FAM13A: variants seen among roughly 807,000 people sequenced by gnomAD.
The protein encoded by FAM13A is protein FAM13A.
In FAM13A, 76 loss-of-function variants were observed where a neutral mutation model predicts 129.6. That is an observed-to-expected ratio of 0.59 (90% confidence interval 0.49 to 0.71). The LOEUF (loss-of-function observed/expected upper bound fraction) is 0.71, where lower values mean the gene tolerates loss of function less well. Among genes scored for constraint, FAM13A ranks in the 30% least tolerant of loss-of-function variants. The pLI, the probability that FAM13A is intolerant of heterozygous loss-of-function variation, is 0.00. For synonymous variants in FAM13A, 443 were observed against 449.9 expected, an observed-to-expected ratio of 0.98 and a Z score of 0.20; for missense variants, 1,108 against 1,249.3, an observed-to-expected ratio of 0.89 and a Z score of 1.70.
At chr4:88,765,559 C>T (rs966091758) in intron 13 of FAM13A, among the ~76,000 whole-genome samples, 2 of 152,086 alleles carry the variant, frequency 1.3e-5, no homozygotes, top group East Asian at 3.9e-4. Context: ...GGAAGGACTA[C>T]ATATATTAAA....
intron 23 of FAM13A, 46 bp from the exon 24 acceptor site, chr4:88,728,705 T>G (rs1328276664): frequency 6.2e-7 from 1 of 1,607,940 alleles, no homozygotes; most frequent in Non-Finnish European, 8.5e-7. Flanking sequence ...ATTTTCTGTC[T>G]TTGCTAGATA....
At chr4:89,048,565 T>C (rs1771154362) in intron 1 of FAM13A, among the ~76,000 whole-genome samples, 1 of 152,170 alleles carries the variant, frequency 6.6e-6, no homozygotes, top group Non-Finnish European at 1.5e-5. Flanking sequence ...TTAATGAGTA[T>C]ACATTATGGT....
chr4:88,953,292 T>C (rs1315025488), intron 4 of FAM13A, among the ~76,000 whole-genome samples: 1 of 151,502 alleles, frequency 6.6e-6, no homozygotes, highest in Non-Finnish European at 1.5e-5. Flanking sequence ...CCGTCTCTAC[T>C]AAAAGTACAA....
chr4:88,813,164 A>C (rs1730002244), intron 7 of FAM13A, among the ~76,000 whole-genome samples: 1 of 152,162 alleles, frequency 6.6e-6, no homozygotes, highest in South Asian at 2.1e-4. Context: ...GTAATGTTTG[A>C]GTATGGCCTT....
At chr4:88,789,894 G>C (rs1237157548) in intron 9 of FAM13A, among the ~76,000 whole-genome samples, 1 of 152,116 alleles carries the variant, frequency 6.6e-6, no homozygotes, top group Non-Finnish European at 1.5e-5. Flanking sequence ...GGCCCTCCGT[G>C]GGAACAGTAG....
chr4:88,811,367 G>A (rs1455022735), intron 7 of FAM13A, among the ~76,000 whole-genome samples: 1 of 152,074 alleles, frequency 6.6e-6, no homozygotes, highest in Admixed American at 6.6e-5. Context: ...TGGCCTCCAT[G>A]GCTCTTCCTT....
chr4:88,842,068 T>C (rs764043242), intron 7 of FAM13A, among the ~76,000 whole-genome samples: 1 of 152,194 alleles, frequency 6.6e-6, no homozygotes, highest in Non-Finnish European at 1.5e-5. Context: ...TATTTATTTA[T>C]TCAGACATAA....
chr4:88,795,009 T>C (rs1051284488), intron 8 of FAM13A, among the ~76,000 whole-genome samples: 8 of 151,838 alleles, frequency 5.3e-5, no homozygotes, highest in Non-Finnish European at 1.0e-4. Flanking sequence ...TGTCATACAT[T>C]AAAACAATTC....
chr4:88,998,291 T>C (rs1025689722), intron 3 of FAM13A, among the ~76,000 whole-genome samples: 2 of 152,162 alleles, frequency 1.3e-5, no homozygotes, highest in African/African-American at 2.4e-5. Flanking sequence ...AGTTCCCCAT[T>C]TGGAGATGAC....
intron 1 of FAM13A, among the ~76,000 whole-genome samples, chr4:89,034,838 T>C (rs1055004917): frequency 1.3e-5 from 2 of 152,148 alleles, no homozygotes; most frequent in Admixed American, 1.3e-4. Flanking sequence ...GCTGAGTTCA[T>C]ATCACTGCAC....
At chr4:89,041,629 T>C (rs1213368938) in intron 1 of FAM13A, among the ~76,000 whole-genome samples, 2 of 152,100 alleles carry the variant, frequency 1.3e-5, no homozygotes, top group East Asian at 3.9e-4. Context: ...TTTAAAAGGA[T>C]ACTGTGGCAG....
At chr4:88,997,611 T>A (rs1392815963) in intron 3 of FAM13A, among the ~76,000 whole-genome samples, 1 of 151,994 alleles carries the variant, frequency 6.6e-6, no homozygotes, top group East Asian at 1.9e-4. Flanking sequence ...TCACAAGATA[T>A]ATCACAGAAT....
At chr4:88,959,137 T>C (rs544672527) in intron 4 of FAM13A, among the ~76,000 whole-genome samples, 3 of 152,362 alleles carry the variant, frequency 2.0e-5, no homozygotes, top group South Asian at 4.1e-4. Flanking sequence ...GGGACATGCC[T>C]TGTCTCAGAT....
In FAM13A at chr4:88,767,563, T is replaced by C. The variant is rs767369233; in HGVS notation, c.1568A>G (p.Gln523Arg). Residue 523 changes from glutamine (Q) to arginine (R), a missense_variant, in exon 13 of 24, where the codon CAG becomes CGG. Physicochemically the swap from Gln to Arg is conservative, Grantham distance 43. Coordinates refer to ENST00000264344, the MANE Select transcript of FAM13A (RefSeq NM_014883.4). The part of the protein sequence containing the change: ...KGNEKDGGHT[Q>R]HFESPTMKIQ... ...TTGTTAGCTACTCACCTCAAAATGC[T>C]GAGTGTGTCCACCATCTTTTTCATT... 5.6e-6 allele frequency: 9 copies of C among 1,603,704 alleles called. No homozygotes were observed. In the Admixed American group the frequency reaches 1.6e-4, roughly 28 times the overall value.
chr4:88,856,593 G>A lies in FAM13A; in HGVS notation c.844-5410C>T, dbSNP rs115237359. On this transcript the variant is annotated intron_variant, in intron 6 of 23. Transcript: ENST00000264344. ...TCATGGACTCCATATTCTTCATCAG[G>A]TACTCTGAGAAGTGATTAGGAAAGG... Among the ~76,000 whole-genome samples the A allele has an allele frequency of 7.7e-3, 1,168 of 152,222 alleles. 20 individuals are homozygous for A. Among genetic ancestry groups the A allele is most frequent in the African/African-American group, 0.026 (1,096 of 41,530 alleles).
intron 23 of FAM13A, among the ~76,000 whole-genome samples, chr4:88,730,479 G>C (rs1737450440): frequency 6.6e-6 from 1 of 152,112 alleles, no homozygotes; most frequent in African/African-American, 2.4e-5. Context: ...TGCAACCTTG[G>C]CCTCCCGGGT....
intron 6 of FAM13A, among the ~76,000 whole-genome samples, chr4:88,888,936 CAAAAAA>C (rs896287129): frequency 6.1e-5 from 4 of 65,582 alleles, no homozygotes; most frequent in African/African-American, 2.6e-4. Flanking sequence ...ACTCCGTCTC[CAAAAAA>C]AAAAAAAAAA....
At chr4:88,735,604 A>G (rs1356412355) in intron 21 of FAM13A, among the ~76,000 whole-genome samples, 1 of 152,190 alleles carries the variant, frequency 6.6e-6, no homozygotes, top group East Asian at 1.9e-4. Flanking sequence ...TCGTTCCCAA[A>G]AGCATTTAAA....
intron 5 of FAM13A, among the ~76,000 whole-genome samples, chr4:88,921,353 T>A (rs1228799471): frequency 1.3e-5 from 2 of 152,190 alleles, no homozygotes; most frequent in East Asian, 3.8e-4. Context: ...AGCGGATCTC[T>A]CGGCAGAAAC....
Sources: allele counts gnomAD v4.1 joint callset (sites outside exome capture counted in the v4.1 genomes callset), GRCh38; gene constraint gnomAD v4.1.1; transcripts MANE v1.5; gene names NCBI Gene and HGNC (gene_info 2026-07-23, HGNC 2026-07-21).